CNTNAP4: variants seen among roughly 807,000 people sequenced by gnomAD.
CNTNAP4 encodes the protein contactin-associated protein-like 4.
CNTNAP4 carries 98 observed loss-of-function variants against 148.4 expected under a neutral mutation model. That is an observed-to-expected ratio of 0.66 (90% CI 0.56 to 0.78). The LOEUF is 0.78. CNTNAP4 is among the 30% of genes least tolerant of loss of function. The probability of loss-of-function intolerance (pLI) is 0.00; values close to 1 mark genes in which losing one functional copy is unlikely to be tolerated. For synonymous variants in CNTNAP4, 730 were observed against 565.1 expected (o/e 1.29, Z -4.14); for missense variants, 1,935 against 1,565.6 (o/e 1.24, Z -3.98).
At chr16:76,502,996 T>C (rs1401582566) in intron 15 of CNTNAP4, among the ~76,000 whole-genome samples, 1 of 152,224 alleles carries the variant, frequency 6.6e-6, no homozygotes, top group African/African-American at 2.4e-5. Flanking sequence ...AATTTATTTA[T>C]GTTGTCTTTT....
At chr16:76,335,060 G>C (rs936210023) in intron 2 of CNTNAP4, among the ~76,000 whole-genome samples, 7 of 152,102 alleles carry the variant, frequency 4.6e-5, no homozygotes, top group Non-Finnish European at 1.0e-4. Flanking sequence ...TCACAGAAGA[G>C]AGTTGGGAGA....
intron 15 of CNTNAP4, among the ~76,000 whole-genome samples, chr16:76,519,023 G>T (rs183533887): frequency 6.6e-5 from 10 of 152,236 alleles, no homozygotes; most frequent in Admixed American, 4.6e-4. Flanking sequence ...TTTCTCTGAG[G>T]TGGCCCAGAT....
chr16:76,312,475 T>C (rs1222351752), intron 1 of CNTNAP4, among the ~76,000 whole-genome samples: 2 of 152,158 alleles, frequency 1.3e-5, no homozygotes, highest in Non-Finnish European at 2.9e-5. Flanking sequence ...CCAAATTTAA[T>C]TTATATGTAG....
intron 1 of CNTNAP4, among the ~76,000 whole-genome samples, chr16:76,300,572 G>T (rs916178491): frequency 6.6e-6 from 1 of 152,094 alleles, no homozygotes; most frequent in Non-Finnish European, 1.5e-5. Context: ...TAAAAACAAA[G>T]ATGTTGAATG....
At chr16:76,375,669 G>T (rs1381752284) in intron 3 of CNTNAP4, among the ~76,000 whole-genome samples, 1 of 152,134 alleles carries the variant, frequency 6.6e-6, no homozygotes. Flanking sequence ...AATGTGAGTA[G>T]ATCTAATAAT....
At chr16:76,292,768 TCAATACTTCTA>T (rs1177970806) in intron 1 of CNTNAP4, among the ~76,000 whole-genome samples, 3 of 152,180 alleles carry the variant, frequency 2.0e-5, no homozygotes, top group Non-Finnish European at 4.4e-5. Flanking sequence ...CTAGTGTTTC[TCAATACTTCTA>T]CTTTCTGCTT....
intron 15 of CNTNAP4, among the ~76,000 whole-genome samples, chr16:76,519,616 T>A (rs2083383664): frequency 6.6e-6 from 1 of 152,236 alleles, no homozygotes; most frequent in African/African-American, 2.4e-5. Flanking sequence ...AATGCAAATG[T>A]GTTGTTATCC....
At chr16:76,516,653 T>C (rs2083264768) in intron 15 of CNTNAP4, among the ~76,000 whole-genome samples, 1 of 152,250 alleles carries the variant, frequency 6.6e-6, no homozygotes, top group South Asian at 2.1e-4. Flanking sequence ...GCTACGTAGG[T>C]GTCCTTCTGC....
chr16:76,390,718 A>G (rs2016913293), intron 3 of CNTNAP4, among the ~76,000 whole-genome samples: 1 of 152,158 alleles, frequency 6.6e-6, no homozygotes, highest in Non-Finnish European at 1.5e-5. Flanking sequence ...TTATGAAACA[A>G]TTCTAGGATT....
intron 3 of CNTNAP4, among the ~76,000 whole-genome samples, chr16:76,357,349 T>C (rs1345492607): frequency 2.0e-5 from 3 of 152,216 alleles, no homozygotes; most frequent in Non-Finnish European, 4.4e-5. Flanking sequence ...AAAATTGTTG[T>C]ACTTCTGTTA....
Position 76,469,834 on chromosome 16 carries a change from C to T in CNTNAP4, c.1655+2311C>T, listed in dbSNP as rs549060455. 2.6e-5 allele frequency among the ~76,000 whole-genome samples: 4 copies of T among 152,186 alleles called. No individual in the cohort carries two copies. The South Asian group carries it at 6.2e-4, about 24-fold the overall frequency. ...AATCCTAACAATCTTAAAAATATAGCAAAAATCAAAGTAACATTTGCATAC... is the reference window on the plus strand; with the variant it reads ...AATCCTAACAATCTTAAAAATATAGTAAAAATCAAAGTAACATTTGCATAC... On this transcript the variant is annotated intron_variant, in intron 10 of 23. Transcript: ENST00000611870.
Position 76,553,888 on chromosome 16 carries a change from T to G in CNTNAP4, c.3714T>G (p.Ser1238Arg). Residue 1238 changes from serine to arginine, a missense_variant, in exon 23 of 24, where the codon AGT (serine) becomes AGG (arginine). By Grantham distance (110) the Ser-to-Arg change is moderately radical. Transcript: ENST00000611870. The stretch of plus-strand genomic sequence containing the variant: ...AGCCCCTTGCTAATGCAATCAAAAG[T>G]GACTCTGCAGTAATTGGAGGTAATA... ...DREPLANAIK[S>R]DSAVIGGLIA... 6.2e-7 allele frequency: 1 copy of G among 1,608,906 alleles called. No individual in the cohort carries two copies. The highest frequency in any genetic ancestry group is 8.5e-7 in the Non-Finnish European group (1 of 1,175,522).
At chr16:76,356,611 G>A (rs560039683) in intron 3 of CNTNAP4, among the ~76,000 whole-genome samples, 2 of 152,030 alleles carry the variant, frequency 1.3e-5, no homozygotes, top group African/African-American at 4.8e-5. Context: ...ATCTTATGTG[G>A]GCTAAGAACA....
At chr16:76,363,862 G>T (rs1432260855) in intron 3 of CNTNAP4, among the ~76,000 whole-genome samples, 1 of 151,978 alleles carries the variant, frequency 6.6e-6, no homozygotes, top group Non-Finnish European at 1.5e-5. Context: ...TCATCTCTTT[G>T]CATCTGTGCA....
At chr16:76,300,678 G>A (rs1362886343) in intron 1 of CNTNAP4, among the ~76,000 whole-genome samples, 1 of 152,090 alleles carries the variant, frequency 6.6e-6, no homozygotes, top group Non-Finnish European at 1.5e-5. Context: ...TTCTCACAAA[G>A]TTGTAGTAAA....
chr16:76,372,168 C>G (rs1597351062), intron 3 of CNTNAP4, among the ~76,000 whole-genome samples: 1 of 133,816 alleles, frequency 7.5e-6, no homozygotes, highest in African/African-American at 2.8e-5. Flanking sequence ...GAGACGGAGT[C>G]CCACTCTGTT....
At chr16:76,393,656 T>G in intron 3 of CNTNAP4, among the ~76,000 whole-genome samples, 1 of 149,468 alleles carries the variant, frequency 6.7e-6, no homozygotes, top group African/African-American at 2.5e-5. Context: ...GGGGGGTGGG[T>G]GAGAGGAGGA....
intron 21 of CNTNAP4, among the ~76,000 whole-genome samples, chr16:76,543,434 T>A (rs1031150333): frequency 2.0e-5 from 3 of 152,152 alleles, no homozygotes; most frequent in Non-Finnish European, 4.4e-5. Flanking sequence ...TTAGTCCAGG[T>A]CCTCCAAACA....
At chr16:76,495,766 C>T (rs1568400369) in intron 14 of CNTNAP4, among the ~76,000 whole-genome samples, 1 of 151,962 alleles carries the variant, frequency 6.6e-6, no homozygotes, top group Non-Finnish European at 1.5e-5. Flanking sequence ...GTATATGTTA[C>T]ATTGCTAAGC....
Sources: allele counts gnomAD v4.1 joint callset (sites outside exome capture counted in the v4.1 genomes callset), GRCh38; gene constraint gnomAD v4.1.1; transcripts MANE v1.5; gene names NCBI Gene and HGNC (gene_info 2026-07-23, HGNC 2026-07-21).